AGBL2: variants seen among roughly 807,000 people sequenced by gnomAD.
AGBL2 encodes AGBL carboxypeptidase 2.
Under a neutral mutation model 103.0 loss-of-function variants are expected in AGBL2, and 87 were observed. That is an observed-to-expected ratio of 0.84 (90% CI 0.71 to 1.01). The LOEUF is 1.01. Ranked by LOEUF, AGBL2 falls within the 50% of genes least tolerant of loss-of-function variation. The pLI is 0.00. For synonymous variants in AGBL2, 335 were observed against 356.7 expected (o/e 0.94, Z 0.69); for missense variants, 904 against 1,023.5 (o/e 0.88, Z 1.59).
At chr11:47,661,173 A>T (rs60515486) in intron 18 of AGBL2, among the ~76,000 whole-genome samples, 46,778 of 151,488 alleles carry the variant, frequency 0.31, 8,733 homozygotes, top group African/African-American at 0.52. Context: ...AAAAAAAAAA[A>T]TTTTTTTTTA....
At chr11:47,711,717 T>A (rs58238323) in intron 3 of AGBL2, among the ~76,000 whole-genome samples, 3,153 of 152,212 alleles carry the variant, frequency 0.021, 124 homozygotes, top group African/African-American at 0.072. Context: ...GTATTTTTAG[T>A]AGAGGTAGGG....
intron 7 of AGBL2, among the ~76,000 whole-genome samples, chr11:47,700,116 C>T (rs2097492316): frequency 6.6e-6 from 1 of 152,032 alleles, no homozygotes; most frequent in South Asian, 2.1e-4. Flanking sequence ...TGCCACCACT[C>T]CCGGCTAATT....
chr11:47,666,324 G>A (rs2097341169), intron 17 of AGBL2, among the ~76,000 whole-genome samples: 1 of 151,128 alleles, frequency 6.6e-6, no homozygotes, highest in Non-Finnish European at 1.5e-5. Flanking sequence ...AACCCAAGAG[G>A]TGGAAGTTGC....
At chr11:47,693,485 T>C (rs1311550838) in intron 8 of AGBL2, among the ~76,000 whole-genome samples, 1 of 152,132 alleles carries the variant, frequency 6.6e-6, no homozygotes, top group African/African-American at 2.4e-5. Flanking sequence ...AGGCCATTCT[T>C]TCTCCACTGA....
intron 4 of AGBL2, among the ~76,000 whole-genome samples, chr11:47,709,259 G>A (rs2097530206): frequency 6.6e-6 from 1 of 151,992 alleles, no homozygotes; most frequent in Non-Finnish European, 1.5e-5. Flanking sequence ...AGGGGGCGGG[G>A]CAGCACAGAA....
chr11:47,671,421 G>A (rs147751488), intron 14 of AGBL2, among the ~76,000 whole-genome samples: 307 of 152,292 alleles, frequency 2.0e-3, no homozygotes, highest in Middle Eastern at 0.014. Flanking sequence ...TCGGGAGGCT[G>A]AGGCATGAGA....
In AGBL2 at chr11:47,704,671, A is replaced by G; in HGVS notation, c.458T>C (p.Leu153Ser). ...LRSRQLLYDE[L>S]DEVNPRLREP... The stretch of plus-strand genomic sequence containing the variant: ...TCGAAGACGTGGGTTTACTTCATCC[A>G]ACTCATCATAAAGAAGCTGTCTGCT... Residue 153 changes from leucine (L) to serine (S), a missense_variant, in exon 7 of 19, where the codon TTG (leucine) becomes TCG (serine). By Grantham distance (145) the Leu-to-Ser change is moderately radical. Coordinates refer to ENST00000525123, the MANE Select transcript of AGBL2 (RefSeq NM_024783.4). 6.2e-7 allele frequency: 1 copy of G among 1,614,148 alleles called. No homozygotes were observed. The highest frequency in any genetic ancestry group is 8.5e-7 in the Non-Finnish European group (1 of 1,180,012).
intron 14 of AGBL2, among the ~76,000 whole-genome samples, chr11:47,669,800 A>G (rs778892107): frequency 1.3e-5 from 2 of 152,032 alleles, no homozygotes; most frequent in Non-Finnish European, 2.9e-5. Flanking sequence ...TTTAGTAGAG[A>G]TGGGGTTTCA....
Position 47,663,085 on chromosome 11 carries a change from T to C in AGBL2, c.2476A>G (p.Thr826Ala). Reference sequence around the variant, plus strand: ...GTGGCCATTGATGGGTCCAGGGGGGTGTCTTTGTCTCTTCTATTTAAATTT... The same window carrying C: ...GTGGCCATTGATGGGTCCAGGGGGGCGTCTTTGTCTCTTCTATTTAAATTT... ...ETNLNRRDKD[T>A]PLDPSMATLI... The change falls in exon 18 of 19, where the codon ACC (threonine) becomes GCC (alanine). Residue 826 changes from threonine to alanine, a missense_variant. Physicochemically the swap from Thr to Ala is moderately conservative, Grantham distance 58. Coordinates refer to ENST00000525123, the MANE Select transcript of AGBL2 (RefSeq NM_024783.4). 6.3e-7 allele frequency: 1 copy of C among 1,593,010 alleles called. No homozygotes were observed.
chr11:47,690,757 G>A lies in AGBL2; in HGVS notation c.950C>T (p.Thr317Ile). ...CAAGTTGACAATGGTGAAGCGATAG[G>A]TAGCATCTTTTCTGGTGTTCTGAAC... ...FRVQNTRKDA[T>I]YRFTIVNLLK... The change falls in exon 10 of 19, where the codon ACC (threonine) becomes ATC (isoleucine). Residue 317 changes from threonine (T) to isoleucine (I), a missense_variant. Transcript: ENST00000525123. 1 of 1,614,060 alleles carries A rather than the reference G, an allele frequency of 6.2e-7. No individual in the cohort carries two copies. The highest frequency in any genetic ancestry group is 1.1e-5 in the South Asian group (1 of 91,086).
At chr11:47,697,057 T>G (rs866922699) in intron 8 of AGBL2, among the ~76,000 whole-genome samples, 2 of 150,980 alleles carry the variant, frequency 1.3e-5, no homozygotes, top group Admixed American at 6.6e-5. Context: ...GCCCCCCAAG[T>G]AGCTGGGATT....
At chr11:47,687,363 C>T (rs7106293) in intron 10 of AGBL2, among the ~76,000 whole-genome samples, 148,759 of 152,020 alleles carry the variant, frequency 0.98, 72,865 homozygotes, top group Middle Eastern at 1. Flanking sequence ...TTTTGTCCTA[C>T]AAAAATATAG....
chr11:47,690,504 A>T lies in AGBL2; in HGVS notation c.1203T>A (p.Thr401=), dbSNP rs775686666. ...FFAHFYPYTY[T]DLQCYLLSVA... is the part of the protein sequence containing the mutation. Reference sequence around the variant, plus strand: ...CTGACAGGAGGTAGCATTGCAAATCAGTGTATGTATATGGGTAGAAGTGTG... The same window carrying T: ...CTGACAGGAGGTAGCATTGCAAATCTGTGTATGTATATGGGTAGAAGTGTG... Residue 401 remains threonine, a synonymous_variant, in exon 10 of 19, where the codon ACT becomes ACA. Coordinates refer to ENST00000525123, the MANE Select transcript of AGBL2 (RefSeq NM_024783.4). 4 of 1,614,166 alleles carry T rather than the reference A, an allele frequency of 2.5e-6. No individual in the cohort carries two copies. The South Asian group carries it at 4.4e-5, about 18-fold the overall frequency.
intron 16 of AGBL2, 36 bp downstream of exon 16, chr11:47,667,535 A>G: frequency 6.2e-7 from 1 of 1,609,920 alleles, no homozygotes; most frequent in Non-Finnish European, 8.5e-7. Flanking sequence ...ATGGTCTGAA[A>G]CTAGACAGTA....
At chr11:47,696,247 TTTTGTTTGTTTG>T (rs547034725) in intron 8 of AGBL2, among the ~76,000 whole-genome samples, 2 of 147,832 alleles carry the variant, frequency 1.4e-5, no homozygotes, top group African/African-American at 2.5e-5. Flanking sequence ...TGAGCCTGGG[TTTTGTTTGTTTG>T]TTTGTTTGTT....
rs11286504 is a variant in AGBL2, at chr11:47,692,404, C to CTTTTTT, written c.695-154_695-149dup. 7.7e-4 allele frequency: 76 copies of CTTTTTT among 99,102 alleles called. 2 individuals carry two copies. The highest frequency in any genetic ancestry group is 1.7e-3 in the East Asian group (5 of 2,878). 6.1% of individuals were successfully genotyped at this position (99,102 alleles called of 1,614,324 possible). ...AACTATCTTTGCAGAGACTTTTAAT[C>CTTTTTT]TTTTTTTTTTTTTTTTTTTTTTTTT... On this transcript the variant is annotated intron_variant, in intron 8 of 18. Coordinates refer to ENST00000525123, the MANE Select transcript of AGBL2 (RefSeq NM_024783.4).
chr11:47,678,230 G>A (rs2097383406), intron 13 of AGBL2, among the ~76,000 whole-genome samples: 1 of 151,800 alleles, frequency 6.6e-6, no homozygotes, highest in African/African-American at 2.4e-5. Flanking sequence ...CCAAAGTGCT[G>A]GGATTACAGG....
chr11:47,712,568 A>G (rs1037647537), intron 3 of AGBL2, among the ~76,000 whole-genome samples: 1 of 152,218 alleles, frequency 6.6e-6, no homozygotes, highest in African/African-American at 2.4e-5. Context: ...TTCTTGTGAA[A>G]TTTGATCTAC....
At chr11:47,673,470 A>G (rs1430218787) in intron 14 of AGBL2, among the ~76,000 whole-genome samples, 5 of 151,956 alleles carry the variant, frequency 3.3e-5, no homozygotes, top group African/African-American at 1.2e-4. Flanking sequence ...TACTAAAAGT[A>G]CAAAATTAGC....
Sources: allele counts gnomAD v4.1 joint callset (sites outside exome capture counted in the v4.1 genomes callset), GRCh38; gene constraint gnomAD v4.1.1; transcripts MANE v1.5; gene names NCBI Gene and HGNC (gene_info 2026-07-23, HGNC 2026-07-21).